The following ADSS2 variants were observed in gnomAD, a reference collection of about 807,000 sequenced individuals.
The protein encoded by ADSS2 is adenylosuccinate synthetase isozyme 2.
ADSS2 carries 30 observed loss-of-function variants against 60.0 expected under a neutral mutation model. The observed-to-expected ratio is 0.50, with a 90% confidence interval of 0.37 to 0.68. ADSS2 has a LOEUF of 0.68. Among genes scored for constraint, ADSS2 ranks in the 30% least tolerant of loss-of-function variants. The probability of loss-of-function intolerance (pLI) is 0.00; values close to 1 mark genes in which losing one functional copy is unlikely to be tolerated. For synonymous variants in ADSS2, 187 were observed against 193.1 expected (o/e 0.97, Z 0.26); for missense variants, 373 against 554.8 (o/e 0.67, Z 3.29).
Position 244,451,846 on chromosome 1 carries a change from G to A in ADSS2, c.-29C>T, listed in dbSNP as rs1216853404. 1.3e-6 allele frequency: 2 copies of A among 1,538,302 alleles called. No homozygotes were observed. Among genetic ancestry groups the A allele is most frequent in the African/African-American group, 1.4e-5 (1 of 72,836 alleles). On this transcript the variant is annotated 5_prime_UTR_variant, in exon 1 of 13. Coordinates refer to ENST00000366535, the MANE Select transcript of ADSS2 (RefSeq NM_001126.5). The surrounding 1 kb of genome is among the most constrained non-coding windows in gnomAD (Gnocchi z 6.6). ...TCCAGTGACGCGAGGAGAGCCCGAA[G>A]GAGAGGCGGCCGGCGAGGAGTGAGC...
chr1:244,415,155 G>A (rs541293927), intron 11 of ADSS2, among the ~76,000 whole-genome samples: 1 of 152,290 alleles, frequency 6.6e-6, no homozygotes, highest in South Asian at 2.1e-4. Context: ...CATTACCATA[G>A]ATGACAGACC....
chr1:244,409,755 G>A (rs1664370757), intron 12 of ADSS2, 117 bp from the exon 13 acceptor site: 1 of 758,514 alleles, frequency 1.3e-6, no homozygotes, highest in Non-Finnish European at 2.3e-6. Flanking sequence ...TTCCCTATGT[G>A]CCTTTTTGCT....
intron 6 of ADSS2, among the ~76,000 whole-genome samples, chr1:244,423,624 C>T (rs1416232849): frequency 6.6e-6 from 1 of 152,082 alleles, no homozygotes; most frequent in South Asian, 2.1e-4. Flanking sequence ...AGGATCAAGA[C>T]CTTAGAATGT....
At chr1:244,430,419 T>C (rs1572138721) in intron 4 of ADSS2, among the ~76,000 whole-genome samples, 2 of 152,260 alleles carry the variant, frequency 1.3e-5, no homozygotes, top group African/African-American at 2.4e-5. Flanking sequence ...CATCAGCGTA[T>C]ATTTATATCT....
chr1:244,432,464 A>C lies in ADSS2; in HGVS notation c.406+81T>G, dbSNP rs151209967. 31 of 1,064,096 alleles carry C rather than the reference A, an allele frequency of 2.9e-5. No individual in the cohort carries two copies. In the African/African-American group the frequency reaches 4.1e-4, roughly 14 times the overall value. The allele number at this position is 1,064,096 out of a possible 1,614,324, so 65.9% of individuals were successfully genotyped here. On this transcript the variant is annotated intron_variant, in intron 4 of 12. Transcript: ENST00000366535. ...CTTACGCTAAATAAAAATAAAAGAC[A>C]AAATTAGTTACTAAATACTTTCATT...
chr1:244,450,308 T>C (rs1665508282), intron 1 of ADSS2, among the ~76,000 whole-genome samples: 1 of 152,072 alleles, frequency 6.6e-6, no homozygotes, highest in African/African-American at 2.4e-5. Flanking sequence ...GGAGAAATAA[T>C]AGGCTGGAAG....
chr1:244,411,781 T>C (rs1339135518), intron 11 of ADSS2, among the ~76,000 whole-genome samples: 1 of 152,216 alleles, frequency 6.6e-6, no homozygotes, highest in Non-Finnish European at 1.5e-5. Context: ...TCCATTCTAT[T>C]GATTAGGGAT....
Position 244,418,881 on chromosome 1 carries a change from G to A in ADSS2, c.824C>T (p.Thr275Ile). The A allele has an allele frequency of 6.2e-7, 1 of 1,612,610 alleles. No homozygotes were observed. Among genetic ancestry groups the A allele is most frequent in the Non-Finnish European group, 8.5e-7 (1 of 1,179,358 alleles). The change falls in exon 9 of 13, where the codon ACT becomes ATT. Residue 275 changes from threonine (T) to isoleucine (I), a missense_variant. Coordinates refer to ENST00000366535, the MANE Select transcript of ADSS2 (RefSeq NM_001126.5). The part of the protein sequence containing the change: ...TYPFVTSSNC[T>I]VGGVCTGLGM... ...CAAACCAGTACAAACACCTCCAACA[G>A]TACAATTTGAAGAGGTTACAAAAGG... is the stretch of plus-strand genomic sequence containing the variant.
In ADSS2 at chr1:244,426,596, T is replaced by A. The variant is rs184052383; in HGVS notation, c.407-2209A>T. Among the ~76,000 whole-genome samples the A allele has an allele frequency of 3.5e-3, 528 of 152,352 alleles. 4 individuals are homozygous for A. The highest frequency in any genetic ancestry group is 0.012 in the African/African-American group (507 of 41,592). On this transcript the variant is annotated intron_variant, in intron 4 of 12. Coordinates refer to ENST00000366535, the MANE Select transcript of ADSS2 (RefSeq NM_001126.5). ...TAGCTAAGTTTATTAACAGCATTTT[T>A]AAATTTTTAATTTACTATTATAGTT...
At chr1:244,446,234 T>C (rs914505337) in intron 1 of ADSS2, among the ~76,000 whole-genome samples, 15 of 152,200 alleles carry the variant, frequency 9.9e-5, no homozygotes, top group Non-Finnish European at 2.1e-4. Flanking sequence ...ATGTTACCAT[T>C]CACCAAAACT....
chr1:244,443,705 T>C (rs751630225), intron 1 of ADSS2, among the ~76,000 whole-genome samples: 1 of 152,232 alleles, frequency 6.6e-6, no homozygotes, highest in African/African-American at 2.4e-5. Flanking sequence ...ACATTTGACA[T>C]TGTTTTTTTC....
chr1:244,431,088 C>T (rs541724930), intron 4 of ADSS2, among the ~76,000 whole-genome samples: 8 of 152,036 alleles, frequency 5.3e-5, no homozygotes, highest in African/African-American at 1.9e-4. Flanking sequence ...CACTGCACTC[C>T]AGCCTGGGTG....
intron 3 of ADSS2, among the ~76,000 whole-genome samples, chr1:244,433,596 G>A (rs1039589723): frequency 6.6e-6 from 1 of 152,182 alleles, no homozygotes; most frequent in Admixed American, 6.5e-5. Flanking sequence ...GGTGGCTTAC[G>A]CCTGTAATCC....
In ADSS2 at chr1:244,451,521, GACAC is replaced by G; in HGVS notation, c.183+110_183+113del. 1 of 1,169,250 alleles carries G rather than the reference GACAC, an allele frequency of 8.6e-7. No individual in the cohort carries two copies. The highest frequency in any genetic ancestry group is 1.2e-6 in the Non-Finnish European group (1 of 846,986). The allele number at this position is 1,169,250 out of a possible 1,614,324, so 72.4% of individuals were successfully genotyped here. On this transcript the variant is annotated intron_variant, in intron 1 of 12. Transcript: ENST00000366535. The surrounding 1 kb of genome is among the most constrained non-coding windows in gnomAD (Gnocchi z 6.6). ...GGACAGGAGGAGAGAGCCTCAAGGT[GACAC>G]CTCATTTTGGCCAGTGGATCCGGGT...
At chr1:244,442,971 C>G (rs554360697) in intron 1 of ADSS2, among the ~76,000 whole-genome samples, 3 of 152,098 alleles carry the variant, frequency 2.0e-5, no homozygotes, top group Non-Finnish European at 4.4e-5. Flanking sequence ...CAAATACGAG[C>G]ACCCCCTCAG....
intron 1 of ADSS2, among the ~76,000 whole-genome samples, chr1:244,441,062 T>C (rs1201649543): frequency 1.4e-5 from 2 of 139,938 alleles, no homozygotes; most frequent in Non-Finnish European, 3.1e-5. Context: ...AACTTAGTCT[T>C]TTTTTTTTTT....
At position 244,409,374 on chromosome 1, in the gene ADSS2, G is replaced by T; in HGVS notation, c.*212C>A. 2.3e-6 allele frequency: 1 copy of T among 426,108 alleles called. No homozygotes were observed. The highest frequency in any genetic ancestry group is 4.2e-6 in the Non-Finnish European group (1 of 240,194). 26.4% of individuals were successfully genotyped at this position (426,108 alleles called of 1,614,324 possible). ...CATGAGAGCAGCAGGAGCAACAAAT[G>T]ATTTGGCAATTCCAGCTAAAGAAAG... On this transcript the variant is annotated 3_prime_UTR_variant, in exon 13 of 13. Coordinates refer to ENST00000366535, the MANE Select transcript of ADSS2 (RefSeq NM_001126.5).
chr1:244,427,336 A>C (rs890970978), intron 4 of ADSS2, among the ~76,000 whole-genome samples: 1 of 152,210 alleles, frequency 6.6e-6, no homozygotes, highest in Non-Finnish European at 1.5e-5. Context: ...ACCAAAATTC[A>C]TAAATTCATA....
chr1:244,433,368 TCA>T (rs908039515), intron 3 of ADSS2, among the ~76,000 whole-genome samples: 3 of 152,210 alleles, frequency 2.0e-5, no homozygotes, highest in African/African-American at 7.2e-5. Flanking sequence ...ATAAATTCAC[TCA>T]CATGCTATCT....
Sources: allele counts gnomAD v4.1 joint callset (sites outside exome capture counted in the v4.1 genomes callset), GRCh38; gene constraint gnomAD v4.1.1; non-coding constraint Gnocchi (gnomAD v3.1); transcripts MANE v1.5; gene names NCBI Gene and HGNC (gene_info 2026-07-23, HGNC 2026-07-21).